The following SIK2 variants were observed in gnomAD, a reference collection of about 807,000 sequenced individuals.
SIK2 encodes salt inducible kinase 2.
SIK2 carries 29 observed loss-of-function variants against 103.2 expected under a neutral mutation model. The ratio of observed to expected loss-of-function variants is 0.28; its 90% CI spans 0.21 to 0.38. SIK2 has a LOEUF of 0.38. Ranked by LOEUF, SIK2 falls within the 10% of genes least tolerant of loss-of-function variation. The pLI, the probability that SIK2 is intolerant of heterozygous loss-of-function variation, is 1.00. For synonymous variants in SIK2, 412 were observed against 446.1 expected, an observed-to-expected ratio of 0.92 and a Z score of 0.96; for missense variants, 879 against 1,171.0, an observed-to-expected ratio of 0.75 and a Z score of 3.64.
chr11:111,660,785 C>T (rs1008537466), intron 3 of SIK2, among the ~76,000 whole-genome samples: 9 of 147,032 alleles, frequency 6.1e-5, no homozygotes, highest in African/African-American at 2.2e-4. Flanking sequence ...CCAGTAAAGA[C>T]ATACTTTCCA....
intron 3 of SIK2, among the ~76,000 whole-genome samples, chr11:111,652,855 G>A (rs1158301682): frequency 6.6e-6 from 1 of 152,162 alleles, no homozygotes; most frequent in African/African-American, 2.4e-5. Context: ...ATTAGAAGAA[G>A]TAGTCTTGAT....
Position 111,688,231 on chromosome 11 carries a change from C to T in SIK2, c.478+69C>T, listed in dbSNP as rs1942872999. On this transcript the variant is annotated intron_variant, in intron 4 of 14. Transcript: ENST00000304987. The surrounding 1 kb of genome is among the most constrained non-coding windows in gnomAD (Gnocchi z 4.2). ...ACTGCACTCAGTGTGTGGAAACAGA[C>T]CTGCAGGCGCAGATTCAGCAGCATT... 1 of 1,504,434 alleles carries T rather than the reference C, an allele frequency of 6.6e-7. No homozygotes were observed. 93.2% of individuals were successfully genotyped at this position (1,504,434 alleles called of 1,614,324 possible).
Position 111,721,955 on chromosome 11 carries a change from T to TC in SIK2, c.2055+15_2055+16insC. ...ACAGACTCCAGGTGGGTCCTTCTCC[T>TC]TGCGAGTCCACCTCACTCTGCTCAT... On this transcript the variant is annotated intron_variant, in intron 13 of 14. Transcript: ENST00000304987. 6.4e-7 allele frequency: 1 copy of TC among 1,551,734 alleles called. No homozygotes were observed.
At chr11:111,629,900 G>C (rs1390709528) in intron 3 of SIK2, among the ~76,000 whole-genome samples, 1 of 152,164 alleles carries the variant, frequency 6.6e-6, no homozygotes, top group Non-Finnish European at 1.5e-5. Context: ...TGGGAGAACT[G>C]TTTGGCAGTT....
chr11:111,684,397 A>T (rs1272189165), intron 3 of SIK2, among the ~76,000 whole-genome samples: 1 of 152,132 alleles, frequency 6.6e-6, no homozygotes, highest in Non-Finnish European at 1.5e-5. Context: ...AAATCTCAAA[A>T]ATCTTTCCCA....
rs1174674331 is a variant in SIK2, at chr11:111,730,206, C to T, written c.*6077C>T. The stretch of plus-strand genomic sequence containing the variant: ...GAGCTTTAAAAATAGAAGTACAAAA[C>T]AACATCCTGGAAACATATGACCCCA... On this transcript the variant is annotated 3_prime_UTR_variant, in exon 15 of 15. Coordinates refer to ENST00000304987, the MANE Select transcript of SIK2 (RefSeq NM_015191.3). 1 of 152,224 alleles carries T rather than the reference C, an allele frequency of 6.6e-6. No individual in the cohort carries two copies. The highest frequency in any genetic ancestry group is 1.9e-4 in the East Asian group (1 of 5,204). 9.4% of individuals were successfully genotyped at this position (152,224 alleles called of 1,614,324 possible). A position where few individuals can be genotyped will look rare whatever the true frequency, so the allele number is the denominator to read the frequency against.
intron 6 of SIK2, among the ~76,000 whole-genome samples, chr11:111,702,269 C>T (rs12577344): frequency 1.3e-5 from 2 of 152,130 alleles, no homozygotes; most frequent in South Asian, 2.1e-4. Flanking sequence ...ACCTACCGCA[C>T]GGGTGTTGTA....
chr11:111,643,011 A>G (rs775432516), intron 3 of SIK2, among the ~76,000 whole-genome samples: 3 of 152,038 alleles, frequency 2.0e-5, no homozygotes, highest in African/African-American at 7.3e-5. Context: ...TTCAGATTTC[A>G]CTTTATTTGT....
intron 1 of SIK2, among the ~76,000 whole-genome samples, chr11:111,604,878 A>AGAGAG (rs1223583443): frequency 6.6e-6 from 1 of 152,090 alleles, no homozygotes; most frequent in African/African-American, 2.4e-5. Flanking sequence ...ATATTAAGGT[A>AGAGAG]GAGAGGGATA....
chr11:111,726,809 G>C lies in SIK2; in HGVS notation c.*2680G>C. 1.5e-6 allele frequency: 1 copy of C among 672,006 alleles called. No homozygotes were observed. The highest frequency in any genetic ancestry group is 2.6e-6 in the Non-Finnish European group (1 of 378,232). The allele number at this position is 672,006 out of a possible 1,614,324, so 41.6% of individuals were successfully genotyped here. ...CCAGTCTGATTCACGTTAGCAGTGT[G>C]TACACTACTGTATCATCATCAGCTT... On this transcript the variant is annotated 3_prime_UTR_variant, in exon 15 of 15. Transcript: ENST00000304987.
At chr11:111,661,923 T>G (rs1352415130) in intron 3 of SIK2, among the ~76,000 whole-genome samples, 1 of 152,236 alleles carries the variant, frequency 6.6e-6, no homozygotes. Context: ...GGAGCCACAA[T>G]TCAAGATGAG....
At chr11:111,702,620 G>A (rs568140577) in intron 6 of SIK2, among the ~76,000 whole-genome samples, 4 of 152,272 alleles carry the variant, frequency 2.6e-5, no homozygotes, top group Non-Finnish European at 4.4e-5. Context: ...TTAGCACAGC[G>A]CCTGCCATAT....
At chr11:111,710,246 A>G (rs1168793622) in intron 8 of SIK2, among the ~76,000 whole-genome samples, 3 of 152,246 alleles carry the variant, frequency 2.0e-5, no homozygotes, top group Non-Finnish European at 2.9e-5. Context: ...GTTGTTTAAC[A>G]TCAGAAGTGG....
chr11:111,679,723 A>G (rs921065486), intron 3 of SIK2, among the ~76,000 whole-genome samples: 5 of 152,198 alleles, frequency 3.3e-5, no homozygotes, highest in African/African-American at 9.7e-5. Flanking sequence ...AAACAGTTCA[A>G]ATTATTTCAT....
At position 111,726,027 on chromosome 11, in the gene SIK2, G is replaced by GAAAT. The variant is rs1245625646; in HGVS notation, c.*1902_*1905dup. On this transcript the variant is annotated 3_prime_UTR_variant, in exon 15 of 15. Transcript: ENST00000304987. ...TCGTGCTTAAGATTGATGATTTCGT[G>GAAAT]AAATAAAGAACATCATTTCATTTAA... The GAAAT allele has an allele frequency of 6.6e-6, 1 of 152,206 alleles. No homozygotes were observed. Among genetic ancestry groups the GAAAT allele is most frequent in the African/African-American group, 2.4e-5 (1 of 41,444 alleles). 9.4% of individuals were successfully genotyped at this position (152,206 alleles called of 1,614,324 possible).
chr11:111,703,117 C>A, intron 6 of SIK2, 86 bp from the exon 7 acceptor site: 2 of 1,201,648 alleles, frequency 1.7e-6, no homozygotes, highest in South Asian at 1.3e-5. Flanking sequence ...AGATTAACAC[C>A]CTTGTACAAA....
chr11:111,632,195 G>A (rs1355529192), intron 3 of SIK2, among the ~76,000 whole-genome samples: 2 of 152,104 alleles, frequency 1.3e-5, no homozygotes, highest in Admixed American at 6.6e-5. Context: ...GGCATTTACC[G>A]AATTTTATCT....
intron 2 of SIK2, among the ~76,000 whole-genome samples, chr11:111,619,212 CT>C (rs949221611): frequency 2.6e-5 from 4 of 152,140 alleles, no homozygotes; most frequent in African/African-American, 9.7e-5. Flanking sequence ...TAGGCCCAAA[CT>C]GTAGGTAGCT....
At chr11:111,702,265 C>A (rs917447820) in intron 6 of SIK2, among the ~76,000 whole-genome samples, 1 of 152,128 alleles carries the variant, frequency 6.6e-6, no homozygotes, top group African/African-American at 2.4e-5. Context: ...TAGCACCTAC[C>A]GCACGGGTGT....
Sources: allele counts gnomAD v4.1 joint callset (sites outside exome capture counted in the v4.1 genomes callset), GRCh38; gene constraint gnomAD v4.1.1; non-coding constraint Gnocchi (gnomAD v3.1); transcripts MANE v1.5; gene names NCBI Gene and HGNC (gene_info 2026-07-23, HGNC 2026-07-21).